Variants in CNTNAP5 observed in about 807,000 individuals in gnomAD.
CNTNAP5 encodes contactin associated protein family member 5.
CNTNAP5 carries 72 observed loss-of-function variants against 150.2 expected under a neutral mutation model. The observed-to-expected ratio is 0.48, with a 90% CI of 0.40 to 0.58. The LOEUF (loss-of-function observed/expected upper bound fraction) is 0.58. Ranked by LOEUF, CNTNAP5 falls within the 20% of genes least tolerant of loss-of-function variation. The pLI, the probability that CNTNAP5 is intolerant of heterozygous loss-of-function variation, is 0.00. For synonymous variants in CNTNAP5, 672 were observed against 619.8 expected (o/e 1.08, Z -1.25); for missense variants, 1,636 against 1,626.2 (o/e 1.01, Z -0.10).
chr2:124,654,374 T>C (rs1558721612), intron 13 of CNTNAP5, among the ~76,000 whole-genome samples: 1 of 152,216 alleles, frequency 6.6e-6, no homozygotes, highest in Non-Finnish European at 1.5e-5. Context: ...AATAATTTGC[T>C]AAGCACATAG....
intron 10 of CNTNAP5, among the ~76,000 whole-genome samples, chr2:124,552,370 C>G (rs1006483064): frequency 6.6e-6 from 1 of 152,184 alleles, no homozygotes; most frequent in Non-Finnish European, 1.5e-5. Context: ...GACACCAGGA[C>G]AGGCCTGGCA....
At chr2:124,431,269 T>C (rs1252043774) in intron 4 of CNTNAP5, among the ~76,000 whole-genome samples, 2 of 151,966 alleles carry the variant, frequency 1.3e-5, no homozygotes, top group Non-Finnish European at 2.9e-5. Flanking sequence ...ATGCAGATCA[T>C]AGTAACGATG....
At chr2:124,286,431 G>A (rs1041027391) in intron 3 of CNTNAP5, among the ~76,000 whole-genome samples, 1 of 152,214 alleles carries the variant, frequency 6.6e-6, no homozygotes, top group African/African-American at 2.4e-5. Context: ...CCCACTTCTA[G>A]CTATCCTAAT....
chr2:124,565,390 C>T (rs1306172153), intron 11 of CNTNAP5, among the ~76,000 whole-genome samples: 1 of 151,918 alleles, frequency 6.6e-6, no homozygotes, highest in Non-Finnish European at 1.5e-5. Flanking sequence ...GATGAATACC[C>T]AATTTTCTAT....
At chr2:124,498,887 C>A (rs1361491661) in intron 7 of CNTNAP5, among the ~76,000 whole-genome samples, 2 of 152,114 alleles carry the variant, frequency 1.3e-5, no homozygotes, top group African/African-American at 4.8e-5. Context: ...GGTCTTCAGT[C>A]TCAGATACCC....
intron 3 of CNTNAP5, among the ~76,000 whole-genome samples, chr2:124,284,960 C>T (rs2104627199): frequency 6.6e-6 from 1 of 152,218 alleles, no homozygotes; most frequent in Non-Finnish European, 1.5e-5. Context: ...CTTTGTCACC[C>T]AGGCTGGAGT....
intron 1 of CNTNAP5, among the ~76,000 whole-genome samples, chr2:124,108,423 G>C (rs937609394): frequency 2.6e-5 from 4 of 151,994 alleles, no homozygotes; most frequent in Admixed American, 2.6e-4. Context: ...TATTGCTTAG[G>C]GACCATCAAT....
rs137912069 is a variant in CNTNAP5, at chr2:124,196,781, G to A, written c.83-24924G>A. On this transcript the variant is annotated intron_variant, in intron 1 of 23. Transcript: ENST00000682447. ...CCATGATAGTCAAAGCTTACACAGG[G>A]TCACACAGGATCCCTGTCTCAAAAG... 3.8e-3 allele frequency among the ~76,000 whole-genome samples: 579 copies of A among 152,202 alleles called. 5 individuals are homozygous for A. The highest frequency in any genetic ancestry group is 0.013 in the African/African-American group (559 of 41,526).
At chr2:124,614,063 A>AT in intron 12 of CNTNAP5, among the ~76,000 whole-genome samples, 1 of 152,260 alleles carries the variant, frequency 6.6e-6, no homozygotes, top group Non-Finnish European at 1.5e-5. Flanking sequence ...ACTTTTAACA[A>AT]TTTTTTTAAG....
At chr2:124,863,558 G>A (rs1677568392) in intron 19 of CNTNAP5, among the ~76,000 whole-genome samples, 1 of 152,188 alleles carries the variant, frequency 6.6e-6, no homozygotes, top group African/African-American at 2.4e-5. Flanking sequence ...GAAGTGTTAG[G>A]CAATGGCCTC....
chr2:124,702,521 A>G (rs571471553), intron 13 of CNTNAP5, among the ~76,000 whole-genome samples: 3 of 151,670 alleles, frequency 2.0e-5, no homozygotes, highest in Non-Finnish European at 2.9e-5. Flanking sequence ...TTAGTGAGTG[A>G]GAGGTTATCT....
chr2:124,317,043 G>A (rs1447653963), intron 3 of CNTNAP5, among the ~76,000 whole-genome samples: 1 of 151,888 alleles, frequency 6.6e-6, no homozygotes, highest in Non-Finnish European at 1.5e-5. Context: ...GCATGCAGTG[G>A]GTGCTATGCA....
At chr2:124,053,065 C>T (rs1681752218) in intron 1 of CNTNAP5, among the ~76,000 whole-genome samples, 1 of 149,898 alleles carries the variant, frequency 6.7e-6, no homozygotes, top group African/African-American at 2.5e-5. Flanking sequence ...ACTGAACCAG[C>T]CACATTATTC....
intron 13 of CNTNAP5, among the ~76,000 whole-genome samples, chr2:124,744,401 GT>G (rs1398617330): frequency 6.6e-6 from 1 of 152,054 alleles, no homozygotes; most frequent in Non-Finnish European, 1.5e-5. Context: ...AGTCTTAGGT[GT>G]GTTTTTATCA....
intron 5 of CNTNAP5, among the ~76,000 whole-genome samples, chr2:124,439,915 C>G (rs1211999744): frequency 6.6e-6 from 1 of 152,152 alleles, no homozygotes; most frequent in East Asian, 1.9e-4. Flanking sequence ...AGAATGCCCT[C>G]CATTCCTACT....
chr2:124,385,200 A>T (rs1463439475), intron 3 of CNTNAP5, among the ~76,000 whole-genome samples: 1 of 152,210 alleles, frequency 6.6e-6, no homozygotes, highest in Admixed American at 6.5e-5. Context: ...AGAAAGAAAA[A>T]AAGACATTGG....
At chr2:124,655,071 C>A (rs898599159) in intron 13 of CNTNAP5, among the ~76,000 whole-genome samples, 1 of 151,932 alleles carries the variant, frequency 6.6e-6, no homozygotes, top group African/African-American at 2.4e-5. Context: ...TGTTTTTCTG[C>A]ACCTATCAAC....
intron 1 of CNTNAP5, among the ~76,000 whole-genome samples, chr2:124,193,328 T>C (rs765062182): frequency 2.6e-5 from 4 of 152,222 alleles, no homozygotes; most frequent in Admixed American, 1.3e-4. Flanking sequence ...CCATAACCTA[T>C]AGTTGACTTA....
intron 19 of CNTNAP5, among the ~76,000 whole-genome samples, chr2:124,828,924 G>A (rs1682657296): frequency 1.3e-5 from 2 of 151,774 alleles, no homozygotes; most frequent in African/African-American, 2.4e-5. Context: ...GGGGGTGGGG[G>A]TTCAGTAAAT....
Sources: allele counts gnomAD v4.1 joint callset (sites outside exome capture counted in the v4.1 genomes callset), GRCh38; gene constraint gnomAD v4.1.1; transcripts MANE v1.5; gene names NCBI Gene and HGNC (gene_info 2026-07-23, HGNC 2026-07-21).